The following PDIK1L variants were observed in gnomAD, a reference collection of about 807,000 sequenced individuals.
PDIK1L encodes the protein serine/threonine-protein kinase PDIK1L.
PDIK1L carries 9 observed loss-of-function variants against 27.1 expected under a neutral mutation model. The observed-to-expected ratio is 0.33, with a 90% CI of 0.20 to 0.58. The LOEUF is 0.58. PDIK1L is among the 20% of genes least tolerant of loss of function. The pLI is 0.86. For missense variants in PDIK1L, 216 were observed against 413.2 expected, an observed-to-expected ratio of 0.52 and a Z score of 4.14; for synonymous variants, 130 against 141.7, an observed-to-expected ratio of 0.92 and a Z score of 0.59.
Position 26,114,615 on chromosome 1 carries a change from A to T in PDIK1L, c.285+22A>T, listed in dbSNP as rs1032473654. On this transcript the variant is annotated intron_variant, in intron 2 of 2. Transcript: ENST00000374269. This position sits in a 1 kb window ranked among gnomAD's most constrained non-coding sequence, Gnocchi z 4.8. ...ACAGGTATGTGTTGTTGATTGGGAAATAGAAATGATTTGAACATGGCATTG... is the reference window on the plus strand; with the variant it reads ...ACAGGTATGTGTTGTTGATTGGGAATTAGAAATGATTTGAACATGGCATTG... The T allele has an allele frequency of 3.7e-6, 6 of 1,603,658 alleles. No individual in the cohort carries two copies. Among genetic ancestry groups the T allele is most frequent in the Non-Finnish European group, 5.1e-6 (6 of 1,171,766 alleles).
chr1:26,125,459 A>C lies in PDIK1L; in HGVS notation c.*2882A>C, dbSNP rs1328038215. The C allele has an allele frequency of 6.6e-6, 1 of 152,582 alleles. No homozygotes were observed. Among genetic ancestry groups the C allele is most frequent in the Non-Finnish European group, 1.5e-5 (1 of 68,004 alleles). 9.5% of individuals were successfully genotyped at this position (152,582 alleles called of 1,614,324 possible). Reference sequence around the variant, plus strand: ...TTAAAATTGTCAAATATATTTTATGAAGAATTTATAAAAGGGGAAAATGAT... The same window carrying C: ...TTAAAATTGTCAAATATATTTTATGCAGAATTTATAAAAGGGGAAAATGAT... On this transcript the variant is annotated 3_prime_UTR_variant, in exon 3 of 3. Coordinates refer to ENST00000374269, the MANE Select transcript of PDIK1L (RefSeq NM_152835.5).
rs2088061610 is a variant in PDIK1L at position 26,125,449 on chromosome 1, A to T, written c.*2872A>T. On this transcript the variant is annotated 3_prime_UTR_variant, in exon 3 of 3. Transcript: ENST00000374269. ...AAATTTTCTGTTAAAATTGTCAAAT[A>T]TATTTTATGAAGAATTTATAAAAGG... The T allele has an allele frequency of 6.6e-6, 1 of 152,526 alleles. No homozygotes were observed. Among genetic ancestry groups the T allele is most frequent in the Non-Finnish European group, 1.5e-5 (1 of 68,008 alleles). The allele number at this position is 152,526 out of a possible 1,614,324, so 9.4% of individuals were successfully genotyped here.
Position 26,122,173 on chromosome 1 carries a change from G to A in PDIK1L, c.622G>A (p.Val208Ile), listed in dbSNP as rs759035882. Residue 208 changes from valine (V) to isoleucine (I), a missense_variant, in exon 3 of 3, where the codon GTC (valine) becomes ATC (isoleucine). Around this residue, in one of 2 missense-constraint regions of PDIK1L, gnomAD observed 169 missense variants for 366.0 expected, o/e 0.46. Coordinates refer to ENST00000374269, the MANE Select transcript of PDIK1L (RefSeq NM_152835.5). The surrounding 1 kb of genome is among the most constrained non-coding windows in gnomAD (Gnocchi z 5.4). ...CTCTGGGCAGAACCCAGAAGAACCT[G>A]TCAGTGTAAACAAGTGTTTCCTTTC... Reference protein sequence around the residue: ...SASGQNPEEPVSVNKCFLSTA... With the variant: ...SASGQNPEEPISVNKCFLSTA... The A allele has an allele frequency of 6.2e-7, 1 of 1,614,228 alleles. No individual in the cohort carries two copies. Among genetic ancestry groups the A allele is most frequent in the South Asian group, 1.1e-5 (1 of 91,088 alleles).
At chr1:26,120,690 A>G (rs1381297413) in intron 2 of PDIK1L, among the ~76,000 whole-genome samples, 1 of 152,242 alleles carries the variant, frequency 6.6e-6, no homozygotes. Context: ...GCCATGGCTC[A>G]TGCCTATAGT....
At chr1:26,113,498 TAAA>T (rs67443362) in intron 1 of PDIK1L, among the ~76,000 whole-genome samples, 212 of 91,058 alleles carry the variant, frequency 2.3e-3, no homozygotes, top group Middle Eastern at 6.0e-3. Context: ...AGACTCCGTC[TAAA>T]AAAAAAAAAA....
At chr1:26,116,587 A>G (rs2087880905) in intron 2 of PDIK1L, among the ~76,000 whole-genome samples, 1 of 152,256 alleles carries the variant, frequency 6.6e-6, no homozygotes, top group African/African-American at 2.4e-5. Flanking sequence ...CAAAGAAAAC[A>G]AATACACGAA....
At chr1:26,117,038 TTTTTC>T (rs2087890000) in intron 2 of PDIK1L, among the ~76,000 whole-genome samples, 1 of 101,602 alleles carries the variant, frequency 9.8e-6, no homozygotes, top group African/African-American at 4.0e-5. Flanking sequence ...TTTTTTTTTT[TTTTTC>T]TTTTTTGAGA....
chr1:26,121,033 G>A (rs1453918122), intron 2 of PDIK1L, among the ~76,000 whole-genome samples: 1 of 151,250 alleles, frequency 6.6e-6, no homozygotes, highest in Non-Finnish European at 1.5e-5. Flanking sequence ...TGAATTTCAA[G>A]TAAAGGAGCG....
chr1:26,124,322 T>C lies in PDIK1L; in HGVS notation c.*1745T>C, dbSNP rs1215450174. The C allele has an allele frequency of 6.6e-6, 1 of 152,168 alleles. No individual in the cohort carries two copies. Among genetic ancestry groups the C allele is most frequent in the East Asian group, 1.9e-4 (1 of 5,194 alleles). The allele number at this position is 152,168 out of a possible 1,614,324, so 9.4% of individuals were successfully genotyped here. On this transcript the variant is annotated 3_prime_UTR_variant, in exon 3 of 3. Coordinates refer to ENST00000374269, the MANE Select transcript of PDIK1L (RefSeq NM_152835.5). ...AAATCATATACTTTTAACATCACTT[T>C]TAAGCTAATAAATATAAGAATTCTT... is the stretch of plus-strand genomic sequence containing the variant.
intron 1 of PDIK1L, among the ~76,000 whole-genome samples, chr1:26,113,515 A>AG (rs1557593369): frequency 6.6e-6 from 1 of 151,518 alleles, no homozygotes; most frequent in African/African-American, 2.4e-5. Flanking sequence ...AAAAAAAAAA[A>AG]AAAAGAAACG....
intron 2 of PDIK1L, 84 bp from the exon 3 acceptor site, chr1:26,121,753 C>T: frequency 7.2e-7 from 1 of 1,386,632 alleles, no homozygotes. Context: ...TGGAGACTGA[C>T]TTAACCTTTC....
At chr1:26,112,303 G>T (rs993034618) in intron 1 of PDIK1L, among the ~76,000 whole-genome samples, 3 of 152,258 alleles carry the variant, frequency 2.0e-5, no homozygotes, top group Admixed American at 6.5e-5. Flanking sequence ...GCGCCGGCAG[G>T]TGTCTGGCCT....
intron 2 of PDIK1L, among the ~76,000 whole-genome samples, chr1:26,115,357 CTT>C (rs2124469122): frequency 6.6e-6 from 1 of 152,344 alleles, no homozygotes; most frequent in East Asian, 1.9e-4. Context: ...CCAGATTACT[CTT>C]CTGTAAACCT....
At chr1:26,120,720 G>A (rs1037789004) in intron 2 of PDIK1L, among the ~76,000 whole-genome samples, 2 of 152,296 alleles carry the variant, frequency 1.3e-5, no homozygotes, top group Non-Finnish European at 2.9e-5. Context: ...TTGGGAGGCC[G>A]AGGTGGGCGG....
At chr1:26,113,046 A>G (rs1440400358) in intron 1 of PDIK1L, among the ~76,000 whole-genome samples, 2 of 152,246 alleles carry the variant, frequency 1.3e-5, no homozygotes, top group African/African-American at 2.4e-5. Flanking sequence ...TTTGTTGGCA[A>G]AAATGACCTA....
At chr1:26,120,684 T>C (rs2087964231) in intron 2 of PDIK1L, among the ~76,000 whole-genome samples, 2 of 152,208 alleles carry the variant, frequency 1.3e-5, no homozygotes, top group African/African-American at 4.8e-5. Context: ...CCGGGTGCCA[T>C]GGCTCATGCC....
intron 2 of PDIK1L, among the ~76,000 whole-genome samples, chr1:26,119,575 A>G (rs1040204353): frequency 2.6e-5 from 4 of 152,118 alleles, no homozygotes; most frequent in African/African-American, 9.7e-5. Context: ...AAAAATTGAA[A>G]GAAGAGGCTG....
chr1:26,123,287 T>C lies in PDIK1L; in HGVS notation c.*710T>C, dbSNP rs1170352325. 6.6e-6 allele frequency: 1 copy of C among 151,908 alleles called. No homozygotes were observed. The highest frequency in any genetic ancestry group is 1.5e-5 in the Non-Finnish European group (1 of 67,994). The allele number at this position is 151,908 out of a possible 1,614,324, so 9.4% of individuals were successfully genotyped here. A position where few individuals can be genotyped will look rare whatever the true frequency, so the allele number is the denominator to read the frequency against. ...TAAGTGATCCAAAGCTGCTGAAGTA[T>C]GTTTGAACTCTCCAGTGCCCTATAG... On this transcript the variant is annotated 3_prime_UTR_variant, in exon 3 of 3. Coordinates refer to ENST00000374269, the MANE Select transcript of PDIK1L (RefSeq NM_152835.5).
At position 26,122,763 on chromosome 1, in the gene PDIK1L, A is replaced by C. The variant is rs2088010398; in HGVS notation, c.*186A>C. On this transcript the variant is annotated 3_prime_UTR_variant, in exon 3 of 3. Coordinates refer to ENST00000374269, the MANE Select transcript of PDIK1L (RefSeq NM_152835.5). The surrounding 1 kb of genome is among the most constrained non-coding windows in gnomAD (Gnocchi z 5.4). ...TGGCCGTTTTATTAGTATGTTTCAA[A>C]TGTGTATTACCAATGTGGGTGTAAA... 1 of 611,146 alleles carries C rather than the reference A, an allele frequency of 1.6e-6. No homozygotes were observed. Among genetic ancestry groups the C allele is most frequent in the African/African-American group, 1.9e-5 (1 of 53,318 alleles). The allele number at this position is 611,146 out of a possible 1,614,324, so 37.9% of individuals were successfully genotyped here.
Sources: allele counts gnomAD v4.1 joint callset (sites outside exome capture counted in the v4.1 genomes callset), GRCh38; gene constraint gnomAD v4.1.1; regional missense constraint gnomAD v4.1.1; non-coding constraint Gnocchi (gnomAD v3.1); transcripts MANE v1.5; gene names NCBI Gene and HGNC (gene_info 2026-07-23, HGNC 2026-07-21).